DMXL1: variants seen among roughly 807,000 people sequenced by gnomAD.
DMXL1 encodes Dmx like 1.
In DMXL1, 99 loss-of-function variants were observed where a neutral mutation model predicts 319.2. The observed-to-expected ratio is 0.31, with a 90% CI of 0.26 to 0.37. The LOEUF (loss-of-function observed/expected upper bound fraction) is 0.37, where lower values mean the gene tolerates loss of function less well. Ranked by LOEUF, DMXL1 falls within the 10% of genes least tolerant of loss-of-function variation. DMXL1 has a pLI of 1.00. For synonymous variants in DMXL1, 1,385 were observed against 1,235.2 expected, an observed-to-expected ratio of 1.12 and a Z score of -2.54; for missense variants, 3,745 against 3,595.6, an observed-to-expected ratio of 1.04 and a Z score of -1.06.
intron 13 of DMXL1, chr5:119,139,107 T>C (rs948870408): frequency 2.0e-5 from 3 of 152,236 alleles, no homozygotes; most frequent in Non-Finnish European, 4.4e-5. Flanking sequence ...TGAGGGAGTT[T>C]GCCTTACAAG....
At chr5:119,081,471 G>T (rs1210947889) in intron 1 of DMXL1, 1 of 640,766 alleles carries the variant, frequency 1.6e-6, no homozygotes, top group Non-Finnish European at 1.9e-6. Flanking sequence ...ATATTTTAAT[G>T]TGTAAAAACT....
At chr5:119,190,077 C>T (rs1778439292) in intron 29 of DMXL1, among the ~76,000 whole-genome samples, 191 bp downstream of exon 29, 1 of 152,146 alleles carries the variant, frequency 6.6e-6, no homozygotes. Flanking sequence ...GTTTTTAAGG[C>T]AGTTTTTTGG....
At chr5:119,156,996 G>T (rs544640275) in intron 19 of DMXL1, among the ~76,000 whole-genome samples, 25 of 149,978 alleles carry the variant, frequency 1.7e-4, no homozygotes, top group African/African-American at 5.6e-4. Flanking sequence ...TATCTGTTCA[G>T]TTCATTTATC....
At position 119,177,348 on chromosome 5, in the gene DMXL1, T is replaced by C; in HGVS notation, c.6759-9T>C. The C allele has an allele frequency of 2.0e-6, 3 of 1,486,194 alleles. No homozygotes were observed. Among genetic ancestry groups the C allele is most frequent in the Non-Finnish European group, 2.7e-6 (3 of 1,109,390 alleles). The allele number at this position is 1,486,194 out of a possible 1,614,324, so 92.1% of individuals were successfully genotyped here. ...TATCATAGATTTAAATATTGTTTTT[T>C]TCTCTTAGTTCATTTCAGACGAATC... is the stretch of plus-strand genomic sequence containing the variant. On this transcript the variant is annotated splice_polypyrimidine_tract_variant and intron_variant, in intron 26 of 43. Transcript: ENST00000539542.
chr5:119,208,356 C>T (rs970527230), intron 34 of DMXL1, among the ~76,000 whole-genome samples: 6 of 151,618 alleles, frequency 4.0e-5, no homozygotes, highest in African/African-American at 9.7e-5. Context: ...TGGGATTACA[C>T]GCATGGGCCA....
intron 1 of DMXL1, among the ~76,000 whole-genome samples, chr5:119,086,669 A>G (rs1394757855): frequency 1.3e-5 from 2 of 152,192 alleles, no homozygotes; most frequent in East Asian, 3.9e-4. Flanking sequence ...TGAAACCATC[A>G]GGTCCTGAGC....
chr5:119,114,245 G>A (rs1436137993), intron 5 of DMXL1, among the ~76,000 whole-genome samples: 1 of 152,106 alleles, frequency 6.6e-6, no homozygotes, highest in Non-Finnish European at 1.5e-5. Flanking sequence ...TTTGTTTTAG[G>A]CTTTAAAGAT....
At chr5:119,243,628 T>A (rs1432832028) in intron 42 of DMXL1, among the ~76,000 whole-genome samples, 1 of 152,198 alleles carries the variant, frequency 6.6e-6, no homozygotes, top group Non-Finnish European at 1.5e-5. Context: ...CTTAATCTGC[T>A]GTTAATCCCA....
intron 9 of DMXL1, among the ~76,000 whole-genome samples, chr5:119,123,911 A>G (rs1459849432): frequency 6.7e-6 from 1 of 149,244 alleles, no homozygotes; most frequent in Non-Finnish European, 1.5e-5. Context: ...GGTTTGATTT[A>G]ATGTGATACT....
At chr5:119,162,235 G>A (rs780338902) in intron 19 of DMXL1, among the ~76,000 whole-genome samples, 2 of 152,118 alleles carry the variant, frequency 1.3e-5, no homozygotes, top group Non-Finnish European at 2.9e-5. Context: ...TGTGGTCCTC[G>A]CAGGTGTCTC....
intron 42 of DMXL1, among the ~76,000 whole-genome samples, chr5:119,243,069 G>T (rs1421074863): frequency 6.6e-6 from 1 of 152,252 alleles, no homozygotes; most frequent in Non-Finnish European, 1.5e-5. Flanking sequence ...CCATGAAGGG[G>T]CATGAAGGAA....
intron 1 of DMXL1, 136 bp downstream of exon 1, chr5:119,071,792 A>C (rs760736021): frequency 2.8e-6 from 2 of 714,340 alleles, no homozygotes; most frequent in Non-Finnish European, 4.5e-6. Flanking sequence ...AGAACCCAGC[A>C]GACCTGGCCC....
chr5:119,080,309 T>C (rs1751916035), intron 1 of DMXL1, among the ~76,000 whole-genome samples: 1 of 152,178 alleles, frequency 6.6e-6, no homozygotes, highest in African/African-American at 2.4e-5. Flanking sequence ...ATTGTCTCGC[T>C]GCACTCCATC....
At chr5:119,113,089 ACAG>A (rs2149868903) in intron 5 of DMXL1, among the ~76,000 whole-genome samples, 1 of 152,340 alleles carries the variant, frequency 6.6e-6, no homozygotes, top group South Asian at 2.1e-4. Context: ...AAATTAGAAA[ACAG>A]CAGTGAAAAA....
At chr5:119,212,060 T>A (rs1295370523) in intron 34 of DMXL1, among the ~76,000 whole-genome samples, 1 of 152,182 alleles carries the variant, frequency 6.6e-6, no homozygotes, top group Non-Finnish European at 1.5e-5. Flanking sequence ...AAAATATAAA[T>A]AACATAAAAG....
At chr5:119,234,948 T>G (rs1377139432) in intron 39 of DMXL1, among the ~76,000 whole-genome samples, 2 of 152,208 alleles carry the variant, frequency 1.3e-5, no homozygotes, top group African/African-American at 2.4e-5. Context: ...TACAGCCTTC[T>G]GCATAGGCTA....
At chr5:119,141,735 A>G (rs1284862016) in intron 13 of DMXL1, among the ~76,000 whole-genome samples, 1 of 152,140 alleles carries the variant, frequency 6.6e-6, no homozygotes, top group African/African-American at 2.4e-5. Flanking sequence ...ACTACCAACA[A>G]CATTGTTCAC....
chr5:119,089,881 C>G (rs1249316912), intron 1 of DMXL1, among the ~76,000 whole-genome samples: 1 of 151,778 alleles, frequency 6.6e-6, no homozygotes, highest in African/African-American at 2.4e-5. Context: ...CCGCCTTGGC[C>G]TCCCGAAGTG....
chr5:119,185,718 G>T (rs942886546), intron 28 of DMXL1, among the ~76,000 whole-genome samples: 1 of 151,406 alleles, frequency 6.6e-6, no homozygotes, highest in African/African-American at 2.4e-5. Flanking sequence ...GGCCTGGCTG[G>T]TCTCAAACTC....
Sources: gnomAD v4.1 joint callset for allele counts (sites outside exome capture counted in the v4.1 genomes callset) on GRCh38, gnomAD v4.1.1 for gene constraint, MANE v1.5 for transcripts, NCBI Gene and HGNC (gene_info 2026-07-23, HGNC 2026-07-21) for gene names.